The following RPAP2 variants were observed in gnomAD, a reference collection of about 807,000 sequenced individuals.
RPAP2 encodes the protein putative RNA polymerase II subunit B1 CTD phosphatase RPAP2.
Under a neutral mutation model 73.1 loss-of-function variants are expected in RPAP2, and 52 were observed. The observed-to-expected ratio is 0.71, with a 90% confidence interval of 0.57 to 0.90. RPAP2 has a LOEUF of 0.90. Among genes scored for constraint, RPAP2 ranks in the 40% least tolerant of loss-of-function variants. RPAP2 has a pLI of 0.00. For synonymous variants in RPAP2, 225 were observed against 242.1 expected, an observed-to-expected ratio of 0.93 and a Z score of 0.65; for missense variants, 598 against 701.8, an observed-to-expected ratio of 0.85 and a Z score of 1.67.
intron 6 of RPAP2, among the ~76,000 whole-genome samples, chr1:92,307,724 T>C (rs555549532): frequency 2.4e-5 from 1 of 41,880 alleles, no homozygotes; most frequent in East Asian, 5.1e-3. Flanking sequence ...AATTAAAAAG[T>C]AATTTTTTTT....
chr1:92,318,199 CT>C (rs1652038734), intron 6 of RPAP2, among the ~76,000 whole-genome samples: 1 of 152,188 alleles, frequency 6.6e-6, no homozygotes, highest in Non-Finnish European at 1.5e-5. Context: ...TCCAGTCATA[CT>C]TTTTTTCTAT....
chr1:92,365,067 C>A (rs1654883268), intron 11 of RPAP2, among the ~76,000 whole-genome samples: 1 of 152,178 alleles, frequency 6.6e-6, no homozygotes, highest in Non-Finnish European at 1.5e-5. Context: ...AACTTATTTT[C>A]TTTTCATATC....
intron 11 of RPAP2, among the ~76,000 whole-genome samples, chr1:92,356,130 TTTTA>T (rs199839596): frequency 0.023 from 3,451 of 152,030 alleles, 56 homozygotes; most frequent in Middle Eastern, 0.041. Flanking sequence ...ATTCTTTACA[TTTTA>T]TTTATTTATT....
At chr1:92,312,432 AAT>A (rs1651646945) in intron 6 of RPAP2, among the ~76,000 whole-genome samples, 1 of 151,988 alleles carries the variant, frequency 6.6e-6, no homozygotes, top group Non-Finnish European at 1.5e-5. Flanking sequence ...AAAAAAAAAA[AAT>A]TGAAGTCAGT....
At position 92,336,441 on chromosome 1, in the gene RPAP2, T is replaced by C; in HGVS notation, c.1619+14T>C. ...TCGAACTTTCAGGTTAGTGTTTATA[T>C]TACAATTATCCTTCTCAATTATTTT... On this transcript the variant is annotated intron_variant, in intron 10 of 12. Coordinates refer to ENST00000610020, the MANE Select transcript of RPAP2 (RefSeq NM_024813.3). 1 of 1,506,256 alleles carries C rather than the reference T, an allele frequency of 6.6e-7. No homozygotes were observed. Among genetic ancestry groups the C allele is most frequent in the East Asian group, 2.3e-5 (1 of 44,262 alleles). 93.3% of individuals were successfully genotyped at this position (1,506,256 alleles called of 1,614,324 possible).
intron 11 of RPAP2, among the ~76,000 whole-genome samples, chr1:92,349,271 A>G (rs184473325): frequency 3.5e-4 from 53 of 152,234 alleles, no homozygotes; most frequent in Non-Finnish European, 2.9e-5. Context: ...TGAATATAAG[A>G]TAATATGTTC....
intron 11 of RPAP2, among the ~76,000 whole-genome samples, chr1:92,376,526 C>G (rs1453112580): frequency 6.6e-6 from 1 of 152,158 alleles, no homozygotes; most frequent in Non-Finnish European, 1.5e-5. Flanking sequence ...GGATTGCTAT[C>G]TATTTGTTTG....
chr1:92,313,696 A>G (rs758613801), intron 6 of RPAP2, among the ~76,000 whole-genome samples: 1 of 152,288 alleles, frequency 6.6e-6, no homozygotes, highest in Admixed American at 6.5e-5. Context: ...TTGATGCCAC[A>G]TATTTACTTC....
Position 92,323,034 on chromosome 1 carries a change from TTA to T in RPAP2, c.525-405_525-404del, listed in dbSNP as rs571452073. Among the ~76,000 whole-genome samples, 498 of 146,660 alleles carry T rather than the reference TTA, an allele frequency of 3.4e-3. 4 individuals carry two copies. Among genetic ancestry groups the T allele is most frequent in the African/African-American group, 0.012 (471 of 40,638 alleles). On this transcript the variant is annotated intron_variant, in intron 7 of 12. Transcript: ENST00000610020. Reference sequence around the variant, plus strand: ...ATATATACTTTATATTTTTATATATTTATATATCTTTATATTTATATATATAC... The same window carrying T: ...ATATATACTTTATATTTTTATATATTTATATCTTTATATTTATATATATAC...
Position 92,333,469 on chromosome 1 carries a change from A to G in RPAP2, c.1534A>G (p.Lys512Glu). The change falls in exon 9 of 13, where the codon AAA becomes GAA. Residue 512 changes from lysine to glutamate, a missense_variant. By Grantham distance (56) the Lys-to-Glu change is moderately conservative (BLOSUM62 1). Around this residue, in one of 3 missense-constraint regions of RPAP2, gnomAD observed 506 missense variants for 612.8 expected, o/e 0.83. Coordinates refer to ENST00000610020, the MANE Select transcript of RPAP2 (RefSeq NM_024813.3). ...RKRIVLEKLSKVLPGLLVPLQ... is the reference protein window; with the variant it reads ...RKRIVLEKLSEVLPGLLVPLQ... ...ACGCATCGTACTTGAAAAGTTGAGT[A>G]AAGTGTAAGTATGTAATTGCCATTC... 2 of 1,609,300 alleles carry G rather than the reference A, an allele frequency of 1.2e-6. No homozygotes were observed. The highest frequency in any genetic ancestry group is 1.7e-6 in the Non-Finnish European group (2 of 1,175,748).
chr1:92,344,730 C>T (rs1016155643), intron 10 of RPAP2, among the ~76,000 whole-genome samples: 1 of 152,130 alleles, frequency 6.6e-6, no homozygotes, highest in Non-Finnish European at 1.5e-5. Context: ...ACTATTTCTT[C>T]CCATCCTCAC....
rs1656258694 is a variant in RPAP2 at position 92,399,262 on chromosome 1, T to G, written c.*12251T>G. 6.6e-6 allele frequency: 1 copy of G among 152,218 alleles called. No homozygotes were observed. Among genetic ancestry groups the G allele is most frequent in the Non-Finnish European group, 1.5e-5 (1 of 68,042 alleles). 9.4% of individuals were successfully genotyped at this position (152,218 alleles called of 1,614,324 possible). ...GCCATCCAGCCACCTTGCAACATGT[T>G]CAGGAAATTCTGGACTCCCTTGGGG... On this transcript the variant is annotated 3_prime_UTR_variant, in exon 13 of 13. Coordinates refer to ENST00000610020, the MANE Select transcript of RPAP2 (RefSeq NM_024813.3).
intron 10 of RPAP2, among the ~76,000 whole-genome samples, chr1:92,343,083 T>C (rs578096545): frequency 6.6e-5 from 10 of 150,896 alleles, no homozygotes; most frequent in African/African-American, 2.2e-4. Flanking sequence ...AAAGAGTGTT[T>C]GTTTATACAG....
intron 11 of RPAP2, among the ~76,000 whole-genome samples, chr1:92,358,096 C>T (rs976454628): frequency 8.5e-5 from 13 of 152,142 alleles, no homozygotes; most frequent in African/African-American, 2.9e-4. Flanking sequence ...GAAGGTTAGT[C>T]TTTCAGAGAT....
intron 11 of RPAP2, among the ~76,000 whole-genome samples, chr1:92,360,622 G>C (rs1398278280): frequency 6.6e-6 from 1 of 152,080 alleles, no homozygotes; most frequent in East Asian, 1.9e-4. Context: ...GACATCAAAG[G>C]TGTATTTGCC....
chr1:92,333,211 AGTT>A, intron 8 of RPAP2, 177 bp from the exon 9 acceptor site: 1 of 550,762 alleles, frequency 1.8e-6, no homozygotes, highest in Non-Finnish European at 3.2e-6. Flanking sequence ...GACTCAAAGA[AGTT>A]CACAACAGCC....
intron 10 of RPAP2, among the ~76,000 whole-genome samples, chr1:92,338,567 A>G (rs1246530470): frequency 6.6e-6 from 1 of 152,156 alleles, no homozygotes; most frequent in East Asian, 1.9e-4. Flanking sequence ...TTCAGGATTT[A>G]CCAGGGAGTG....
At chr1:92,361,007 C>T (rs571121279) in intron 11 of RPAP2, among the ~76,000 whole-genome samples, 1 of 151,702 alleles carries the variant, frequency 6.6e-6, no homozygotes, top group African/African-American at 2.4e-5. Context: ...CCTTCCCCTG[C>T]CTTCTCACCT....
intron 12 of RPAP2, among the ~76,000 whole-genome samples, chr1:92,381,158 C>T (rs185477326): frequency 4.1e-4 from 62 of 152,262 alleles, no homozygotes; most frequent in African/African-American, 1.5e-3. Context: ...CAAGTGTAGG[C>T]TATCCCACAT....
Sources: gnomAD v4.1 joint callset for allele counts (sites outside exome capture counted in the v4.1 genomes callset) on GRCh38, gnomAD v4.1.1 for gene constraint, gnomAD v4.1.1 regional missense constraint, MANE v1.5 for transcripts, NCBI Gene and HGNC (gene_info 2026-07-23, HGNC 2026-07-21) for gene names.